KLC1: variants seen among roughly 807,000 people sequenced by gnomAD.
KLC1 encodes the protein kinesin 2 60/70kDa.
A neutral mutation model predicts 84.2 loss-of-function variants in KLC1; 30 were observed. The ratio of observed to expected loss-of-function variants is 0.36; its 90% CI spans 0.27 to 0.48. The LOEUF (loss-of-function observed/expected upper bound fraction) is 0.48. Among genes scored for constraint, KLC1 ranks in the 20% least tolerant of loss-of-function variants. The pLI is 0.99. For missense variants in KLC1, 499 were observed against 805.4 expected, an observed-to-expected ratio of 0.62 and a Z score of 4.60; for synonymous variants, 289 against 293.3, an observed-to-expected ratio of 0.99 and a Z score of 0.15.
At chr14:103,669,636 A>G (rs2080210934) in intron 6 of KLC1, 38 bp downstream of exon 6, 1 of 1,290,546 alleles carries the variant, frequency 7.7e-7, no homozygotes. Flanking sequence ...TTAATATTTT[A>G]TTTTCCCCAT....
intron 15 of KLC1, among the ~76,000 whole-genome samples, 182 bp downstream of exon 15, chr14:103,692,607 T>G (rs992612238): frequency 4.6e-5 from 7 of 152,180 alleles, no homozygotes; most frequent in African/African-American, 1.7e-4. Context: ...AACCACTGAT[T>G]ATGTGAATTA....
chr14:103,685,085 C>G (rs1460343470), intron 13 of KLC1: 32 of 1,537,076 alleles, frequency 2.1e-5, no homozygotes, highest in Non-Finnish European at 2.7e-5. Context: ...GCGCTTCTGT[C>G]GAGACGTCGG....
intron 1 of KLC1, among the ~76,000 whole-genome samples, chr14:103,642,263 G>T (rs1029724346): frequency 6.6e-6 from 1 of 152,022 alleles, no homozygotes; most frequent in African/African-American, 2.4e-5. Flanking sequence ...TAATCCCACC[G>T]TGAGGGGTCC....
intron 1 of KLC1, among the ~76,000 whole-genome samples, chr14:103,651,166 C>T (rs1420867133): frequency 1.3e-5 from 2 of 151,960 alleles, no homozygotes; most frequent in African/African-American, 4.8e-5. Flanking sequence ...TGCACCACCA[C>T]GCCCGGCTAA....
chr14:103,636,718 A>G (rs1567004893), intron 1 of KLC1, among the ~76,000 whole-genome samples: 1 of 151,258 alleles, frequency 6.6e-6, no homozygotes, highest in Non-Finnish European at 1.5e-5. Context: ...AGTTCCTTAC[A>G]TATTTATTTA....
At chr14:103,676,160 C>A (rs577452944) in intron 11 of KLC1, among the ~76,000 whole-genome samples, 1 of 152,200 alleles carries the variant, frequency 6.6e-6, no homozygotes, top group African/African-American at 2.4e-5. Context: ...TAGGCCCCTC[C>A]GTGGCCGGCC....
At chr14:103,644,405 C>T (rs1189096293) in intron 1 of KLC1, among the ~76,000 whole-genome samples, 2 of 151,636 alleles carry the variant, frequency 1.3e-5, no homozygotes, top group African/African-American at 4.8e-5. Flanking sequence ...ATTACAGGCT[C>T]CCGCCACCAC....
At chr14:103,684,939 C>A in intron 13 of KLC1, 1 of 779,974 alleles carries the variant, frequency 1.3e-6, no homozygotes, top group Non-Finnish European at 2.3e-6. Context: ...TTGTCCTCCC[C>A]ACATTTTTGA....
chr14:103,685,470 T>A, intron 13 of KLC1: 2 of 1,239,720 alleles, frequency 1.6e-6, no homozygotes, highest in Non-Finnish European at 2.1e-6. Context: ...ACCTGCTTTA[T>A]GCTGGACTGG....
intron 15 of KLC1, chr14:103,697,217 A>G (rs139341914): frequency 3.6e-5 from 24 of 657,652 alleles, no homozygotes; most frequent in Middle Eastern, 7.6e-4. Context: ...ACTTTTTCCC[A>G]TGTTCATGCC....
chr14:103,665,699 A>G (rs1327219968), intron 5 of KLC1, among the ~76,000 whole-genome samples: 1 of 152,170 alleles, frequency 6.6e-6, no homozygotes, highest in African/African-American at 2.4e-5. Context: ...TGGCCTCCCA[A>G]AGTGCTAGGA....
intron 15 of KLC1, chr14:103,696,673 G>C: frequency 8.1e-6 from 8 of 985,534 alleles, no homozygotes; most frequent in Non-Finnish European, 9.6e-6. Flanking sequence ...AGCTGTCTCA[G>C]GGCTGATATG....
At chr14:103,630,312 G>A (rs916086189) in intron 1 of KLC1, among the ~76,000 whole-genome samples, 1 of 152,148 alleles carries the variant, frequency 6.6e-6, no homozygotes, top group Non-Finnish European at 1.5e-5. Context: ...AACATTTGTA[G>A]GTCATTTCTA....
intron 1 of KLC1, among the ~76,000 whole-genome samples, chr14:103,648,804 C>CA (rs1158325101): frequency 6.6e-6 from 1 of 151,064 alleles, no homozygotes; most frequent in Non-Finnish European, 1.5e-5. Context: ...CTGTCTCAGA[C>CA]AAAAAAGGAG....
At chr14:103,653,561 T>C (rs993437427) in intron 1 of KLC1, among the ~76,000 whole-genome samples, 2 of 152,194 alleles carry the variant, frequency 1.3e-5, no homozygotes, top group Non-Finnish European at 2.9e-5. Flanking sequence ...CATCAAGTGA[T>C]CCGCCTGCCT....
intron 13 of KLC1, 53 bp from the exon 14 acceptor site, chr14:103,687,028 T>C (rs2081820067): frequency 1.4e-6 from 2 of 1,454,226 alleles, no homozygotes; most frequent in African/African-American, 1.4e-5. Context: ...GTGGCTCTTG[T>C]GGGAAGGAGG....
rs188705983 is a variant in KLC1 at position 103,631,409 on chromosome 14, T to C, written c.-2+1915T>C. Among the ~76,000 whole-genome samples, 35 of 152,224 alleles carry C rather than the reference T, an allele frequency of 2.3e-4. 3 individuals carry two copies. Among genetic ancestry groups the C allele is most frequent in the Admixed American group, 1.8e-3 (27 of 15,270 alleles). ...TTTATACATTTTTAAAATTTATACA[T>C]TCTTAGGCATGTTTCTCAATGTTGG... is the stretch of plus-strand genomic sequence containing the variant. On this transcript the variant is annotated intron_variant, in intron 1 of 16. Transcript: ENST00000334553.
intron 1 of KLC1, among the ~76,000 whole-genome samples, chr14:103,650,479 A>G (rs1385118458): frequency 6.6e-6 from 1 of 152,108 alleles, no homozygotes; most frequent in African/African-American, 2.4e-5. Flanking sequence ...GGTGTGATTT[A>G]TAGGCTGGCA....
At chr14:103,667,026 G>A (rs1036903544) in intron 5 of KLC1, among the ~76,000 whole-genome samples, 8 of 149,354 alleles carry the variant, frequency 5.4e-5, no homozygotes, top group South Asian at 4.3e-4. Flanking sequence ...TGACCCACCC[G>A]CCTTAGCCTC....
Sources: allele counts gnomAD v4.1 joint callset (sites outside exome capture counted in the v4.1 genomes callset), GRCh38; gene constraint gnomAD v4.1.1; transcripts MANE v1.5; gene names NCBI Gene and HGNC (gene_info 2026-07-23, HGNC 2026-07-21).